The following HYCC2 variants were observed in gnomAD, a reference collection of about 807,000 sequenced individuals.
HYCC2 encodes the protein hyccin 2.
chr2:200,996,666 T>G, the HYCC2 span: 2 of 152,156 alleles, frequency 1.3e-5, no homozygotes, highest in Non-Finnish European at 2.9e-5. Flanking sequence ...TAGTAAAGAT[T>G]ATAATCCATG....
At chr2:201,058,906 A>T in the HYCC2 span, among the ~76,000 whole-genome samples, 1 of 152,220 alleles carries the variant, frequency 6.6e-6, no homozygotes, top group African/African-American at 2.4e-5. Context: ...GACTGAGTAA[A>T]GCAGACTGCC....
At chr2:201,010,988 T>C in the HYCC2 span, among the ~76,000 whole-genome samples, 1 of 151,118 alleles carries the variant, frequency 6.6e-6, no homozygotes, top group Non-Finnish European at 1.5e-5. Flanking sequence ...CTACTAAAAA[T>C]AAAAAAATTA....
the HYCC2 span, among the ~76,000 whole-genome samples, chr2:201,012,334 G>A: frequency 1.3e-5 from 2 of 152,048 alleles, no homozygotes; most frequent in African/African-American, 4.8e-5. Context: ...GGTATCGCAG[G>A]CCTGTAGTCC....
At chr2:201,040,441 TTTG>T in the HYCC2 span, among the ~76,000 whole-genome samples, 373 of 151,550 alleles carry the variant, frequency 2.5e-3, 3 homozygotes, top group Non-Finnish European at 4.4e-3. Flanking sequence ...AGAATAGCAT[TTTG>T]TTGTTATTGC....
chr2:201,015,872 G>C, the HYCC2 span, among the ~76,000 whole-genome samples: 1 of 152,054 alleles, frequency 6.6e-6, no homozygotes, highest in Non-Finnish European at 1.5e-5. Flanking sequence ...ATCTCAACAG[G>C]CCAAAACTAT....
the HYCC2 span, among the ~76,000 whole-genome samples, chr2:201,035,114 C>T: frequency 2.0e-5 from 3 of 152,034 alleles, no homozygotes; most frequent in Non-Finnish European, 2.9e-5. Flanking sequence ...ATCTTTGTGG[C>T]GTTCTCTGTA....
the HYCC2 span, chr2:200,981,765 TG>T: frequency 1.2e-6 from 2 of 1,614,172 alleles, no homozygotes; most frequent in Non-Finnish European, 1.7e-6. This position sits in a 1 kb window ranked among gnomAD's most constrained non-coding sequence, Gnocchi z 4.5. Flanking sequence ...AAGAGGAGGA[TG>T]GTTTGGTCCC....
chr2:200,981,184 T>C, the HYCC2 span: 1 of 1,469,104 alleles, frequency 6.8e-7, no homozygotes, highest in Non-Finnish European at 9.3e-7. The surrounding 1 kb of genome is among the most constrained non-coding windows in gnomAD (Gnocchi z 4.5). Context: ...TGACCAATAT[T>C]TTCACAATGT....
the HYCC2 span, among the ~76,000 whole-genome samples, chr2:201,058,952 A>C: frequency 3.8e-4 from 58 of 152,224 alleles, no homozygotes; most frequent in Admixed American, 2.0e-4. Flanking sequence ...AATCAGTGGA[A>C]AGCCTGAACA....
At chr2:201,027,656 C>G in the HYCC2 span, among the ~76,000 whole-genome samples, 37 of 152,004 alleles carry the variant, frequency 2.4e-4, no homozygotes, top group African/African-American at 8.7e-4. Flanking sequence ...AAGGCTGGTT[C>G]AACATACGCA....
the HYCC2 span, among the ~76,000 whole-genome samples, chr2:201,004,022 G>C: frequency 6.6e-6 from 1 of 151,732 alleles, no homozygotes; most frequent in Non-Finnish European, 1.5e-5. Flanking sequence ...CCATGTTTTG[G>C]TCAGGCTGGT....
At chr2:201,035,952 T>C in the HYCC2 span, among the ~76,000 whole-genome samples, 2 of 152,150 alleles carry the variant, frequency 1.3e-5, no homozygotes, top group Non-Finnish European at 2.9e-5. Flanking sequence ...TGCCTGATCG[T>C]TCCTCTGGAA....
At chr2:201,011,215 A>G in the HYCC2 span, among the ~76,000 whole-genome samples, 3 of 152,002 alleles carry the variant, frequency 2.0e-5, no homozygotes, top group African/African-American at 4.8e-5. Context: ...ACTAAAGAAA[A>G]TTTTCATTAT....
the HYCC2 span, among the ~76,000 whole-genome samples, chr2:201,033,129 GA>G: frequency 9.2e-3 from 1,347 of 146,072 alleles, 7 homozygotes; most frequent in Middle Eastern, 0.032. Flanking sequence ...ACTGCCTTTA[GA>G]AATCAAAAAG....
the HYCC2 span, among the ~76,000 whole-genome samples, chr2:201,016,469 C>T: frequency 2.6e-5 from 4 of 152,058 alleles, no homozygotes; most frequent in Non-Finnish European, 5.9e-5. Flanking sequence ...TTTATAGAGA[C>T]GAGGTTTGGC....
the HYCC2 span, chr2:200,988,480 C>A: frequency 1.6e-6 from 2 of 1,259,438 alleles, no homozygotes; most frequent in Non-Finnish European, 2.2e-6. Context: ...TTTGTTTATA[C>A]TACATGTGTC....
At chr2:201,010,103 C>CAA in the HYCC2 span, among the ~76,000 whole-genome samples, 14 of 70,730 alleles carry the variant, frequency 2.0e-4, no homozygotes, top group Admixed American at 4.9e-4. Flanking sequence ...GACTCTGTCT[C>CAA]AAAAAAAAAA....
chr2:201,010,768 GCTT>G, the HYCC2 span, among the ~76,000 whole-genome samples: 2 of 136,798 alleles, frequency 1.5e-5, no homozygotes, highest in African/African-American at 6.6e-5. Flanking sequence ...ATATTTTTAA[GCTT>G]ATTATTTAAA....
At chr2:201,068,687 T>A in the HYCC2 span, among the ~76,000 whole-genome samples, 14 of 152,312 alleles carry the variant, frequency 9.2e-5, no homozygotes, top group South Asian at 2.9e-3. Context: ...CAAAACACTG[T>A]ATCTATCACA....
Sources: allele counts gnomAD v4.1 joint callset (sites outside exome capture counted in the v4.1 genomes callset), GRCh38; gene constraint gnomAD v4.1.1; non-coding constraint Gnocchi (gnomAD v3.1); transcripts MANE v1.5; gene names NCBI Gene and HGNC (gene_info 2026-07-23, HGNC 2026-07-21).